Variants in CDK13 observed in about 807,000 individuals in gnomAD.
CDK13 encodes the protein cyclin dependent kinase 13.
CDK13 carries 40 observed loss-of-function variants against 137.6 expected under a neutral mutation model. The ratio of observed to expected loss-of-function variants is 0.29; its 90% confidence interval spans 0.23 to 0.38. The LOEUF (loss-of-function observed/expected upper bound fraction) is 0.38. CDK13 is among the 10% of genes least tolerant of loss of function. The pLI is 1.00. For missense variants in CDK13, 1,704 were observed against 1,951.8 expected (o/e 0.87, Z 2.39); for synonymous variants, 869 against 760.1 (o/e 1.14, Z -2.36).
At chr7:40,087,211 T>C (rs1309702950) in intron 11 of CDK13, among the ~76,000 whole-genome samples, 1 of 152,134 alleles carries the variant, frequency 6.6e-6, no homozygotes, top group Admixed American at 6.5e-5. Context: ...TTACATGATC[T>C]CAGCTCACTG....
At chr7:40,025,311 T>TA (rs1785221323) in intron 5 of CDK13, among the ~76,000 whole-genome samples, 1 of 152,248 alleles carries the variant, frequency 6.6e-6, no homozygotes, top group African/African-American at 2.4e-5. Context: ...GAACAAGTCT[T>TA]ACTTGTCTTT....
Position 40,045,601 on chromosome 7 carries a change from A to T in CDK13, c.2354-235A>T, listed in dbSNP as rs1522878. 0.56 allele frequency among the ~76,000 whole-genome samples: 83,636 copies of T among 149,916 alleles called. 25,270 individuals are homozygous for T. Among genetic ancestry groups the T allele is most frequent in the African/African-American group, 0.81 (33,293 of 40,998 alleles). On this transcript the variant is annotated intron_variant, in intron 5 of 13. Transcript: ENST00000181839. ...CAGCAGGGTGATTTTTTTTTTTTTT[A>T]AAATCATAACTGTTTTTTTGCGGGG...
At chr7:40,090,302 AACTT>A (rs1786893263) in intron 12 of CDK13, among the ~76,000 whole-genome samples, 1 of 152,184 alleles carries the variant, frequency 6.6e-6, no homozygotes. Context: ...AATTTGCTCT[AACTT>A]ACTTTACAAC....
At chr7:40,014,085 T>TG (rs1491305751) in intron 5 of CDK13, among the ~76,000 whole-genome samples, 6 of 133,502 alleles carry the variant, frequency 4.5e-5, no homozygotes, top group Non-Finnish European at 7.6e-5. Context: ...TTTTTTTTTT[T>TG]GAGACAAGCA....
Position 40,095,114 on chromosome 7 carries a change from CATACA to C in CDK13, c.*138_*142del. On this transcript the variant is annotated 3_prime_UTR_variant, in exon 14 of 14. Coordinates refer to ENST00000181839, the MANE Select transcript of CDK13 (RefSeq NM_003718.5). ...TATTTTTATGTGGAGAAGGGTCTTG[CATACA>C]ATAGTTTAAAAAAGACAAAAAAAAC... 1.6e-5 allele frequency: 12 copies of C among 743,434 alleles called. No individual in the cohort carries two copies. The highest frequency in any genetic ancestry group is 2.3e-5 in the Non-Finnish European group (12 of 518,438). 46.1% of individuals were successfully genotyped at this position (743,434 alleles called of 1,614,324 possible).
intron 9 of CDK13, chr7:40,067,983 T>G (rs1290919026): frequency 6.6e-6 from 1 of 151,144 alleles, no homozygotes; most frequent in African/African-American, 2.4e-5. Flanking sequence ...TAGTCCCAGC[T>G]CCTCAGGAGG....
chr7:39,989,374 C>G (rs1784410770), intron 2 of CDK13, among the ~76,000 whole-genome samples: 1 of 150,372 alleles, frequency 6.7e-6, no homozygotes, highest in African/African-American at 2.4e-5. Context: ...TAAAAAGCAA[C>G]TATATGAGTA....
intron 1 of CDK13, among the ~76,000 whole-genome samples, chr7:39,981,973 A>G (rs1461339814): frequency 3.0e-5 from 4 of 134,882 alleles, no homozygotes; most frequent in Non-Finnish European, 6.6e-5. Flanking sequence ...TTTTTTTTTC[A>G]CTATTGTGTA....
chr7:39,951,008 C>A lies in CDK13; in HGVS notation c.367C>A (p.Leu123Met). 1 of 1,303,566 alleles carries A rather than the reference C, an allele frequency of 7.7e-7. No homozygotes were observed. Among genetic ancestry groups the A allele is most frequent in the Middle Eastern group, 2.0e-4 (1 of 4,924 alleles). 80.7% of individuals were successfully genotyped at this position (1,303,566 alleles called of 1,614,324 possible). A position where few individuals can be genotyped will look rare whatever the true frequency, so the allele number is the denominator to read the frequency against. Reference protein sequence around the residue: ...QEAEKRRVFSLPQPQQDGGGG... With the variant: ...QEAEKRRVFSMPQPQQDGGGG... ...GGCGGAGAAGCGTCGGGTCTTCTCG[C>A]TGCCCCAGCCGCAGCAGGACGGCGG... The change falls in exon 1 of 14, where the codon CTG (leucine) becomes ATG (methionine). Residue 123 changes from leucine to methionine, a missense_variant. Physicochemically the swap from Leu to Met is conservative, Grantham distance 15. This residue lies in a region of CDK13 where 1,051 missense variants were observed against 931.0 expected (regional missense o/e 1.13). Transcript: ENST00000181839.
At position 40,064,781 on chromosome 7, in the gene CDK13, A is replaced by AC. The variant is rs1786240225; in HGVS notation, c.2780+1682dup. On this transcript the variant is annotated intron_variant, in intron 9 of 13. Transcript: ENST00000181839. The stretch of plus-strand genomic sequence containing the variant: ...CTGAAACATAGAAAACTTTTATGTT[A>AC]CTTTTTTTTTTTTTTTTTCCTGTTT... 3.6e-5 allele frequency among the ~76,000 whole-genome samples: 5 copies of AC among 137,050 alleles called. No individual in the cohort carries two copies. The Admixed American group carries it at 3.7e-4, about 10-fold the overall frequency. The allele number at this position is 137,050 out of a possible 152,430, so 89.9% of individuals were successfully genotyped here. A position where few individuals can be genotyped will look rare whatever the true frequency, so the allele number is the denominator to read the frequency against.
chr7:40,013,791 AG>A (rs1351373265), intron 5 of CDK13, among the ~76,000 whole-genome samples: 1 of 152,172 alleles, frequency 6.6e-6, no homozygotes, highest in Non-Finnish European at 1.5e-5. Flanking sequence ...CTGTTATTTA[AG>A]GAAAAAAACG....
Position 40,045,877 on chromosome 7 carries a change from A to T in CDK13, c.2395A>T (p.Met799Leu). The T allele has an allele frequency of 1.2e-6, 2 of 1,612,874 alleles. No homozygotes were observed. The highest frequency in any genetic ancestry group is 1.1e-5 in the South Asian group (1 of 91,018). Residue 799 changes from methionine (M) to leucine (L), a missense_variant, in exon 6 of 14, where the codon ATG becomes TTG. This residue lies in a region of CDK13 where 130 missense variants were observed against 362.4 expected (regional missense o/e 0.36). Coordinates refer to ENST00000181839, the MANE Select transcript of CDK13 (RefSeq NM_003718.5). ...GTTTGAATATATGGACCATGATCTGATGGGACTACTGGAATCAGGCTTGGT... is the reference window on the plus strand; with the variant it reads ...GTTTGAATATATGGACCATGATCTGTTGGGACTACTGGAATCAGGCTTGGT... ...LVFEYMDHDLMGLLESGLVHF... is the reference protein window; with the variant it reads ...LVFEYMDHDLLGLLESGLVHF...
chr7:39,996,983 A>AAAAAAAAAAAAAAAAAAAAAAAAAAAAG (rs1562719391), intron 2 of CDK13, among the ~76,000 whole-genome samples: 7 of 141,424 alleles, frequency 4.9e-5, no homozygotes, highest in African/African-American at 2.1e-4. Context: ...AAAAGAAAAA[A>AAAAAAAAAAAAAAAAAAAAAAAAAAAAG]AAAAAGAAAA....
intron 7 of CDK13, among the ~76,000 whole-genome samples, chr7:40,051,588 G>A (rs1376020178): frequency 1.3e-5 from 2 of 152,158 alleles, no homozygotes; most frequent in Non-Finnish European, 2.9e-5. Context: ...AATATAGATC[G>A]AATAACTGAA....
intron 1 of CDK13, among the ~76,000 whole-genome samples, chr7:39,974,590 A>C (rs972326945): frequency 2.0e-4 from 30 of 148,204 alleles, no homozygotes; most frequent in Admixed American, 1.5e-3. Flanking sequence ...TTTGAGATGA[A>C]GTCTCGCTGT....
At chr7:40,051,125 A>AT (rs1336159879) in intron 7 of CDK13, among the ~76,000 whole-genome samples, 1 of 152,192 alleles carries the variant, frequency 6.6e-6, no homozygotes, top group Admixed American at 6.5e-5. Context: ...TTAAAGTCCC[A>AT]TAACTTTGCA....
intron 1 of CDK13, among the ~76,000 whole-genome samples, chr7:39,978,102 C>T (rs1264647977): frequency 2.0e-5 from 3 of 151,860 alleles, no homozygotes; most frequent in African/African-American, 4.8e-5. Flanking sequence ...GGATGATTTG[C>T]GGGGGTGATG....
At chr7:40,090,526 G>T (rs1008403830) in intron 12 of CDK13, among the ~76,000 whole-genome samples, 6 of 152,022 alleles carry the variant, frequency 3.9e-5, no homozygotes, top group African/African-American at 1.4e-4. Context: ...GCTAATTTTT[G>T]TATTTTTAAT....
chr7:40,055,996 T>G (rs1042731616), intron 7 of CDK13, among the ~76,000 whole-genome samples: 11 of 152,384 alleles, frequency 7.2e-5, no homozygotes, highest in African/African-American at 2.6e-4. Flanking sequence ...TCTCTTTTAC[T>G]TTTGTCTTTA....
Sources: gnomAD v4.1 joint callset for allele counts (sites outside exome capture counted in the v4.1 genomes callset) on GRCh38, gnomAD v4.1.1 for gene constraint, gnomAD v4.1.1 regional missense constraint, MANE v1.5 for transcripts, NCBI Gene and HGNC (gene_info 2026-07-23, HGNC 2026-07-21) for gene names.